Variants in ENTREP2 observed in about 807,000 individuals in gnomAD.
The protein encoded by ENTREP2 is protein ENTREP2.
chr15:29,426,686 T>C, the ENTREP2 span, among the ~76,000 whole-genome samples: 1 of 152,216 alleles, frequency 6.6e-6, no homozygotes, highest in Non-Finnish European at 1.5e-5. Flanking sequence ...GACAGTCTCT[T>C]CTTTTGCAAT....
chr15:29,397,433 G>GT, the ENTREP2 span, among the ~76,000 whole-genome samples: 78 of 152,174 alleles, frequency 5.1e-4, no homozygotes, highest in Non-Finnish European at 1.0e-3. Context: ...CACCTTATAA[G>GT]TAAGTAATCA....
chr15:29,191,592 C>T, the ENTREP2 span, among the ~76,000 whole-genome samples: 1 of 152,060 alleles, frequency 6.6e-6, no homozygotes, highest in Admixed American at 6.6e-5. Context: ...GTAATGCCTG[C>T]TGCAGAAAAC....
chr15:29,520,665 T>C, the ENTREP2 span, among the ~76,000 whole-genome samples: 1 of 151,814 alleles, frequency 6.6e-6, no homozygotes, highest in Non-Finnish European at 1.5e-5. Flanking sequence ...AAAACAAAAT[T>C]GAAGTATTTT....
At chr15:29,637,734 G>A in the ENTREP2 span, among the ~76,000 whole-genome samples, 1 of 152,188 alleles carries the variant, frequency 6.6e-6, no homozygotes, top group Non-Finnish European at 1.5e-5. Flanking sequence ...TGGGATGAGA[G>A]ATCTATTACG....
chr15:29,237,230 A>G, the ENTREP2 span, among the ~76,000 whole-genome samples: 2 of 152,220 alleles, frequency 1.3e-5, no homozygotes, highest in East Asian at 1.9e-4. Flanking sequence ...AGTTCTTCAT[A>G]TATTTTAGAT....
the ENTREP2 span, among the ~76,000 whole-genome samples, chr15:29,341,913 T>C: frequency 1.3e-5 from 2 of 152,166 alleles, no homozygotes; most frequent in African/African-American, 4.8e-5. Context: ...ATTTTTTTAA[T>C]TTTTTCCTAT....
chr15:29,621,659 A>G, the ENTREP2 span, among the ~76,000 whole-genome samples: 1 of 150,466 alleles, frequency 6.6e-6, no homozygotes, highest in African/African-American at 2.4e-5. Context: ...ACCCTTGTGC[A>G]CTGTTGGTAG....
the ENTREP2 span, among the ~76,000 whole-genome samples, chr15:29,129,183 C>T: frequency 7.9e-5 from 12 of 152,322 alleles, no homozygotes; most frequent in Non-Finnish European, 7.3e-5. Context: ...CCTGCTTCAG[C>T]CTCCTGAGTA....
chr15:29,579,064 G>A, the ENTREP2 span, among the ~76,000 whole-genome samples: 2 of 152,116 alleles, frequency 1.3e-5, no homozygotes, highest in African/African-American at 4.8e-5. Context: ...TTTGCCTTTA[G>A]GGAAAAACTA....
At chr15:29,137,451 C>T in the ENTREP2 span, among the ~76,000 whole-genome samples, 1 of 152,174 alleles carries the variant, frequency 6.6e-6, no homozygotes, top group Non-Finnish European at 1.5e-5. Flanking sequence ...TCTGGGAAGT[C>T]TTTCATGCTG....
the ENTREP2 span, among the ~76,000 whole-genome samples, chr15:29,555,432 A>G: frequency 2.6e-5 from 4 of 152,198 alleles, no homozygotes; most frequent in East Asian, 5.8e-4. Context: ...AAATAACTGA[A>G]TGGTATTTTT....
At chr15:29,172,432 G>T in the ENTREP2 span, among the ~76,000 whole-genome samples, 4 of 152,118 alleles carry the variant, frequency 2.6e-5, no homozygotes, top group African/African-American at 9.7e-5. Flanking sequence ...CTAGTGTCTT[G>T]CCCAGTAATT....
chr15:29,478,774 G>A, the ENTREP2 span, among the ~76,000 whole-genome samples: 1 of 151,428 alleles, frequency 6.6e-6, no homozygotes, highest in African/African-American at 2.4e-5. Flanking sequence ...GCGTGGTGGT[G>A]GGCGCCTATA....
chr15:29,623,716 A>G, the ENTREP2 span, among the ~76,000 whole-genome samples: 1 of 152,168 alleles, frequency 6.6e-6, no homozygotes, highest in Non-Finnish European at 1.5e-5. Flanking sequence ...ATCAGATAAT[A>G]GGAGAAAAAA....
At chr15:29,606,140 T>C in the ENTREP2 span, among the ~76,000 whole-genome samples, 1 of 152,196 alleles carries the variant, frequency 6.6e-6, no homozygotes, top group South Asian at 2.1e-4. Context: ...TTAATCTATA[T>C]GGTTCCTCCT....
At chr15:29,138,207 T>G in the ENTREP2 span, among the ~76,000 whole-genome samples, 1 of 152,202 alleles carries the variant, frequency 6.6e-6, no homozygotes, top group Non-Finnish European at 1.5e-5. Context: ...CAGAACATTC[T>G]ACTGGCCAAC....
chr15:29,622,301 G>A, the ENTREP2 span, among the ~76,000 whole-genome samples: 1 of 152,092 alleles, frequency 6.6e-6, no homozygotes, highest in South Asian at 2.1e-4. Context: ...TGCCTCCCAG[G>A]TTCAAGCAAT....
chr15:29,490,360 A>G, the ENTREP2 span, among the ~76,000 whole-genome samples: 1 of 152,250 alleles, frequency 6.6e-6, no homozygotes, highest in Non-Finnish European at 1.5e-5. Flanking sequence ...GATTTACCGC[A>G]AAGAGCGAAA....
chr15:29,523,608 G>A, the ENTREP2 span, among the ~76,000 whole-genome samples: 2 of 91,906 alleles, frequency 2.2e-5, no homozygotes, highest in African/African-American at 4.2e-5. Flanking sequence ...TGGACAAGTT[G>A]ATCCTGTAAT....
Sources: gnomAD v4.1 joint callset for allele counts (sites outside exome capture counted in the v4.1 genomes callset) on GRCh38, gnomAD v4.1.1 for gene constraint, MANE v1.5 for transcripts, NCBI Gene and HGNC (gene_info 2026-07-23, HGNC 2026-07-21) for gene names.